The following DDX25 variants were observed in gnomAD, a reference collection of about 807,000 sequenced individuals.
DDX25 encodes DEAD-box helicase 25, also known as ATP-dependent RNA helicase DDX25.
A neutral mutation model predicts 64.6 loss-of-function variants in DDX25; 70 were observed. That is an observed-to-expected ratio of 1.08 (90% CI 0.89 to 1.32). The LOEUF (loss-of-function observed/expected upper bound fraction) is 1.32. Ranked by LOEUF, DDX25 falls within the 40% of genes most tolerant of loss-of-function variation. The probability of loss-of-function intolerance (pLI) is 0.00; values close to 1 mark genes in which losing one functional copy is unlikely to be tolerated. For synonymous variants in DDX25, 211 were observed against 213.3 expected, an observed-to-expected ratio of 0.99 and a Z score of 0.09; for missense variants, 587 against 604.4, an observed-to-expected ratio of 0.97 and a Z score of 0.30.
At chr11:125,911,881 T>C (rs1944973443) in intron 8 of DDX25, among the ~76,000 whole-genome samples, 1 of 152,206 alleles carries the variant, frequency 6.6e-6, no homozygotes, top group African/African-American at 2.4e-5. Flanking sequence ...AGGAGACTGG[T>C]AATCTAGTCC....
chr11:125,918,082 T>C (rs748124427), intron 9 of DDX25, among the ~76,000 whole-genome samples: 27 of 152,076 alleles, frequency 1.8e-4, no homozygotes, highest in Non-Finnish European at 3.4e-4. Context: ...GGTTTCACCA[T>C]GCTGGCCAGG....
intron 4 of DDX25, 39 bp downstream of exon 4, chr11:125,906,248 A>G (rs1944884713): frequency 6.6e-7 from 1 of 1,513,494 alleles, no homozygotes; most frequent in African/African-American, 1.4e-5. Flanking sequence ...AAAAATGCTG[A>G]AAACCACAGA....
intron 7 of DDX25, 100 bp downstream of exon 7, chr11:125,910,578 G>GC: frequency 1.0e-6 from 1 of 975,902 alleles, no homozygotes. Context: ...CTCTAAATGG[G>GC]GGAAATAATA....
intron 6 of DDX25, 31 bp from the exon 7 acceptor site, chr11:125,910,333 T>G: frequency 1.9e-6 from 3 of 1,587,690 alleles, no homozygotes; most frequent in Non-Finnish European, 2.6e-6. Flanking sequence ...TAAGAACCTT[T>G]CTCCTCCCCT....
chr11:125,918,638 A>G lies in DDX25; in HGVS notation c.1049A>G (p.Asn350Ser), dbSNP rs149840641. Residue 350 changes from asparagine (N) to serine (S), a missense_variant, in exon 10 of 12, where the codon AAC becomes AGC. Physicochemically the swap from Asn to Ser is conservative, Grantham distance 46. Transcript: ENST00000263576. ...TGCCTTTTTACATAGACTCGTCGAA[A>G]CGCTAAGTGGTTGACCGTGGAGATG... ...QAIIFCQTRRNAKWLTVEMIQ... is the reference protein window; with the variant it reads ...QAIIFCQTRRSAKWLTVEMIQ... 4.0e-3 allele frequency: 6,454 copies of G among 1,613,230 alleles called. 15 individuals carry two copies. The highest frequency in any genetic ancestry group is 5.0e-3 in the Non-Finnish European group (5,850 of 1,179,450).
intron 4 of DDX25, among the ~76,000 whole-genome samples, chr11:125,907,587 G>A (rs528684339): frequency 1.1e-3 from 160 of 151,032 alleles, no homozygotes; most frequent in African/African-American, 8.0e-4. Flanking sequence ...CAGCCTGGGC[G>A]ACAGAGCAAG....
At chr11:125,911,645 C>A (rs188182075) in intron 8 of DDX25, among the ~76,000 whole-genome samples, 157 bp downstream of exon 8, 1 of 152,294 alleles carries the variant, frequency 6.6e-6, no homozygotes, top group Admixed American at 6.5e-5. Context: ...GTTCAAGGGT[C>A]CCTCAGACTG....
chr11:125,912,349 T>C (rs1349530927), intron 8 of DDX25, among the ~76,000 whole-genome samples: 1 of 152,202 alleles, frequency 6.6e-6, no homozygotes, highest in Non-Finnish European at 1.5e-5. Flanking sequence ...ACTGTCAGTA[T>C]TGATATCATG....
intron 4 of DDX25, 24 bp from the exon 5 acceptor site, chr11:125,908,172 G>A (rs763984472): frequency 1.3e-6 from 2 of 1,487,576 alleles, no homozygotes; most frequent in East Asian, 4.8e-5. Flanking sequence ...TAATCTGTAA[G>A]TGTTTGATTT....
rs779956961 is a variant in DDX25, at chr11:125,905,270, G to A, written c.122G>A (p.Arg41Gln). Reference sequence around the variant, plus strand: ...TGGGGTATTAAGAGTACTGCAGTCCGAAACATAGGTGAGTGCTGTTAGGGC... The same window carrying A: ...TGGGGTATTAAGAGTACTGCAGTCCAAAACATAGGTGAGTGCTGTTAGGGC... ...NLWGIKSTAV[R>Q]NIDGSINNIN... The change falls in exon 2 of 12, where the codon CGA becomes CAA. Residue 41 changes from arginine (R) to glutamine (Q), a missense_variant. Coordinates refer to ENST00000263576, the MANE Select transcript of DDX25 (RefSeq NM_013264.5). The A allele has an allele frequency of 2.6e-6, 4 of 1,551,644 alleles. No homozygotes were observed. The highest frequency in any genetic ancestry group is 1.2e-5 in the South Asian group (1 of 84,028).
At chr11:125,914,092 A>C (rs1945003086) in intron 8 of DDX25, among the ~76,000 whole-genome samples, 1 of 152,200 alleles carries the variant, frequency 6.6e-6, no homozygotes, top group African/African-American at 2.4e-5. Context: ...CTAGTATTTA[A>C]AAATTTTTTC....
rs1945170736 is a variant in DDX25, at chr11:125,926,624, ACT to A, written c.*3746_*3747del. On this transcript the variant is annotated 3_prime_UTR_variant, in exon 12 of 12. Transcript: ENST00000263576. ...GTGGCGTGATCTCGGCTCACTGCAA[ACT>A]CTGCCTCCCCGGTTCAAGCAATTCT... 1 of 150,562 alleles carries A rather than the reference ACT, an allele frequency of 6.6e-6. No homozygotes were observed. Among genetic ancestry groups the A allele is most frequent in the Non-Finnish European group, 1.5e-5 (1 of 67,650 alleles). 9.3% of individuals were successfully genotyped at this position (150,562 alleles called of 1,614,324 possible).
intron 8 of DDX25, among the ~76,000 whole-genome samples, chr11:125,912,953 C>T (rs111545305): frequency 2.0e-5 from 3 of 151,936 alleles, no homozygotes; most frequent in Non-Finnish European, 4.4e-5. Flanking sequence ...GCCAGGAGAT[C>T]GAGACCATCC....
Position 125,908,211 on chromosome 11 carries a change from A to G in DDX25, c.327A>G (p.Leu109=). 6.2e-7 allele frequency: 1 copy of G among 1,607,062 alleles called. No individual in the cohort carries two copies. The highest frequency in any genetic ancestry group is 2.2e-5 in the East Asian group (1 of 44,838). Residue 109 remains leucine, a synonymous_variant, in exon 5 of 12, where the codon CTA becomes CTG. Transcript: ENST00000263576. ...TTTTTGACAGAAAGGAAGAGTTACT[A>G]AAAGGAATCTATGCAATGGGATTTA... The part of the protein sequence containing the change: ...FEELRLKEEL[L]KGIYAMGFNR...
At chr11:125,916,054 G>A (rs896616533) in intron 8 of DDX25, among the ~76,000 whole-genome samples, 3 of 152,176 alleles carry the variant, frequency 2.0e-5, no homozygotes, top group Admixed American at 2.0e-4. Context: ...CTATCGGATT[G>A]TTGTTTGATG....
Position 125,925,811 on chromosome 11 carries a change from A to G in DDX25, c.*2930A>G, listed in dbSNP as rs1228956519. 1.1e-5 allele frequency: 2 copies of G among 189,064 alleles called. No homozygotes were observed. Among genetic ancestry groups the G allele is most frequent in the South Asian group, 1.9e-4 (2 of 10,768 alleles). The allele number at this position is 189,064 out of a possible 1,614,324, so 11.7% of individuals were successfully genotyped here. A position where few individuals can be genotyped will look rare whatever the true frequency, so the allele number is the denominator to read the frequency against. On this transcript the variant is annotated 3_prime_UTR_variant, in exon 12 of 12. Transcript: ENST00000263576. ...CAACCATTAATAATAGGAAAGGCAAATAAGTTGGTCATAGTCTGGTAGGAT... is the reference window on the plus strand; with the variant it reads ...CAACCATTAATAATAGGAAAGGCAAGTAAGTTGGTCATAGTCTGGTAGGAT...
rs1292294183 is a variant in DDX25 at position 125,928,022 on chromosome 11, C to T, written c.*5141C>T. On this transcript the variant is annotated 3_prime_UTR_variant, in exon 12 of 12. Transcript: ENST00000263576. ...GGGGTGGTTAACTTCTAATTGTACC[C>T]TGTCTTAGCGTTCAGATGCATTGGT... 6.6e-6 allele frequency: 1 copy of T among 152,204 alleles called. No homozygotes were observed. Among genetic ancestry groups the T allele is most frequent in the Non-Finnish European group, 1.5e-5 (1 of 68,042 alleles). The allele number at this position is 152,204 out of a possible 1,614,324, so 9.4% of individuals were successfully genotyped here. A position where few individuals can be genotyped will look rare whatever the true frequency, so the allele number is the denominator to read the frequency against.
chr11:125,908,402 C>T lies in DDX25; in HGVS notation c.406C>T (p.Pro136Ser), dbSNP rs1944923860. The T allele has an allele frequency of 1.2e-6, 2 of 1,613,956 alleles. No individual in the cohort carries two copies. The highest frequency in any genetic ancestry group is 3.3e-5 in the Admixed American group (2 of 60,016). ...CCAGTGGTCTTCTCTTTTCTACAGA[C>T]CCCAGAACCTCATAGCACAGAGCCA... ...MALPMMLAHP[P>S]QNLIAQSQSG... Residue 136 changes from proline to serine, a missense_variant and splice_region_variant, in exon 6 of 12, where the codon CCC becomes TCC. Coordinates refer to ENST00000263576, the MANE Select transcript of DDX25 (RefSeq NM_013264.5).
rs1227026642 is a variant in DDX25 at position 125,904,597 on chromosome 11, C to CG, written c.63+23dup. On this transcript the variant is annotated intron_variant, in intron 1 of 11. Coordinates refer to ENST00000263576, the MANE Select transcript of DDX25 (RefSeq NM_013264.5). ...AACAGCCACGTAACCGCCACCGAGC[C>CG]GGGGGGCCACAGCCGCGGGGGTGGA... 1.4e-5 allele frequency: 21 copies of CG among 1,455,084 alleles called. No individual in the cohort carries two copies. Among genetic ancestry groups the CG allele is most frequent in the Non-Finnish European group, 1.4e-5 (15 of 1,104,410 alleles). 90.1% of individuals were successfully genotyped at this position (1,455,084 alleles called of 1,614,324 possible). A position where few individuals can be genotyped will look rare whatever the true frequency, so the allele number is the denominator to read the frequency against.
Sources: gnomAD v4.1 joint callset for allele counts (sites outside exome capture counted in the v4.1 genomes callset) on GRCh38, gnomAD v4.1.1 for gene constraint, MANE v1.5 for transcripts, NCBI Gene and HGNC (gene_info 2026-07-23, HGNC 2026-07-21) for gene names.